The following MOCOS variants were observed in gnomAD, a reference collection of about 807,000 sequenced individuals.
The protein encoded by MOCOS is human molybdenum cofactor sulfurase.
In MOCOS, 86 loss-of-function variants were observed where a neutral mutation model predicts 83.6. That is an observed-to-expected ratio of 1.03 (90% confidence interval 0.86 to 1.23). The LOEUF (loss-of-function observed/expected upper bound fraction) is 1.23, where lower values mean the gene tolerates loss of function less well. Among genes scored for constraint, MOCOS ranks in the 50% most tolerant of loss-of-function variants. The pLI is 0.00. For synonymous variants in MOCOS, 445 were observed against 434.7 expected, an observed-to-expected ratio of 1.02 and a Z score of -0.29; for missense variants, 1,120 against 1,126.9, an observed-to-expected ratio of 0.99 and a Z score of 0.09.
intron 9 of MOCOS, among the ~76,000 whole-genome samples, chr18:36,225,357 G>T (rs1303952259): frequency 1.3e-5 from 2 of 152,052 alleles, no homozygotes; most frequent in East Asian, 3.9e-4. Context: ...TCACCATGTT[G>T]GCCAGGATGG....
intron 10 of MOCOS, among the ~76,000 whole-genome samples, chr18:36,250,693 T>C (rs886767692): frequency 6.6e-6 from 1 of 152,182 alleles, no homozygotes; most frequent in Admixed American, 6.5e-5. Context: ...AAACACCAGA[T>C]TGGTAAATGC....
At chr18:36,239,022 G>A (rs1413320603) in intron 9 of MOCOS, among the ~76,000 whole-genome samples, 3 of 151,446 alleles carry the variant, frequency 2.0e-5, no homozygotes, top group East Asian at 1.9e-4. Context: ...TTGAGCCTAT[G>A]TGTGTCTCTG....
chr18:36,200,112 G>A lies in MOCOS; in HGVS notation c.729G>A (p.Val243=), dbSNP rs757835086. ...WFVLLDAASY[V]STSPLDLSAH... ...TGCTGCTGGATGCAGCCTCCTACGT[G>A]AGCACCTCGCCTTTGGACCTGTCAG... The change falls in exon 4 of 15, where the codon GTG becomes GTA. Residue 243 remains valine (V), a synonymous_variant. Coordinates refer to ENST00000261326, the MANE Select transcript of MOCOS (RefSeq NM_017947.4). 8 of 1,614,098 alleles carry A rather than the reference G, an allele frequency of 5.0e-6. No individual in the cohort carries two copies. The South Asian group carries it at 8.8e-5, about 18-fold the overall frequency.
intron 1 of MOCOS, among the ~76,000 whole-genome samples, chr18:36,194,300 T>C (rs1351384493): frequency 6.6e-6 from 1 of 152,236 alleles, no homozygotes; most frequent in Non-Finnish European, 1.5e-5. Context: ...AAAGCTGTGA[T>C]AAAACAACCC....
rs186600904 is a variant in MOCOS at position 36,200,806 on chromosome 18, G to A, written c.941+482G>A. Among the ~76,000 whole-genome samples, 5 of 152,346 alleles carry A rather than the reference G, an allele frequency of 3.3e-5. No individual in the cohort carries two copies. The East Asian group carries it at 7.7e-4, about 24-fold the overall frequency. On this transcript the variant is annotated intron_variant, in intron 4 of 14. Transcript: ENST00000261326. ...ATCAGCTCAGCCTGGCACCTAGTTA[G>A]CAGGAGGAATCAGTTAAAGCAGAGG...
At chr18:36,213,504 C>A in intron 7 of MOCOS, 22 bp downstream of exon 7, 2 of 1,594,358 alleles carry the variant, frequency 1.3e-6, no homozygotes, top group Non-Finnish European at 1.7e-6. Flanking sequence ...GCTCTGCGAT[C>A]CAGACGCTGG....
intron 9 of MOCOS, among the ~76,000 whole-genome samples, chr18:36,237,467 T>A (rs1244095600): frequency 1.3e-5 from 2 of 152,236 alleles, no homozygotes; most frequent in African/African-American, 4.8e-5. Context: ...CAGCCTTGCA[T>A]CCCAGGGATG....
At chr18:36,191,436 T>C (rs2091365809) in intron 1 of MOCOS, among the ~76,000 whole-genome samples, 1 of 152,326 alleles carries the variant, frequency 6.6e-6, no homozygotes, top group Middle Eastern at 3.4e-3. Context: ...GTTGTCCATA[T>C]TTATGTGTGC....
At position 36,197,419 on chromosome 18, in the gene MOCOS, C is replaced by T. The variant is rs138875987; in HGVS notation, c.233-1271C>T. On this transcript the variant is annotated intron_variant, in intron 2 of 14. Transcript: ENST00000261326. ...ACTTCCAGCTCTAAAATACTCTTCC[C>T]GATCACATTTGGTTTTACTAGTGAG... Among the ~76,000 whole-genome samples, 1,253 of 150,552 alleles carry T rather than the reference C, an allele frequency of 8.3e-3. 24 individuals are homozygous for T. The highest frequency in any genetic ancestry group is 7.4e-3 in the Non-Finnish European group (503 of 67,784).
intron 8 of MOCOS, among the ~76,000 whole-genome samples, chr18:36,218,576 G>A (rs561422732): frequency 6.0e-4 from 92 of 152,100 alleles, no homozygotes; most frequent in Non-Finnish European, 1.1e-3. Flanking sequence ...ATACAGTGCT[G>A]CCATCAAAGC....
rs143719787 is a variant in MOCOS at position 36,220,122 on chromosome 18, A to T, written c.1865A>T (p.Asn622Ile). The T allele has an allele frequency of 1.9e-6, 3 of 1,613,940 alleles. No individual in the cohort carries two copies. In the African/African-American group the frequency reaches 4.0e-5, roughly 22 times the overall value. ...YDRSWMVVNHNGVCLSQKQEP... is the reference protein window; with the variant it reads ...YDRSWMVVNHIGVCLSQKQEP... ...CGGAGCTGGATGGTTGTGAATCACA[A>T]TGGTGTTTGCCTGAGTCAGAAGCAG... Residue 622 changes from asparagine to isoleucine, a missense_variant, in exon 9 of 15, where the codon AAT becomes ATT. Asn to Ile is a moderately radical substitution (Grantham distance 149, BLOSUM62 -3). Transcript: ENST00000261326.
intron 13 of MOCOS, 36 bp downstream of exon 13, chr18:36,260,211 G>T (rs1288416282): frequency 3.1e-6 from 5 of 1,613,558 alleles, no homozygotes; most frequent in Non-Finnish European, 3.4e-6. Flanking sequence ...CTTCCTCCAG[G>T]GTTGTCAATG....
At position 36,200,259 on chromosome 18, in the gene MOCOS, A is replaced by C; in HGVS notation, c.876A>C (p.Gly292=). Residue 292 remains glycine (G), a synonymous_variant, in exon 4 of 15, where the codon GGA becomes GGC. Coordinates refer to ENST00000261326, the MANE Select transcript of MOCOS (RefSeq NM_017947.4). ...TACTGAGGAAGACCTACTTTGGAGG[A>C]GGGACAGCCTCTGCGTACCTAGCAG... is the stretch of plus-strand genomic sequence containing the variant. ...APLLRKTYFG[G]GTASAYLAGE... 1.9e-6 allele frequency: 3 copies of C among 1,614,180 alleles called. No homozygotes were observed. Among genetic ancestry groups the C allele is most frequent in the Non-Finnish European group, 1.7e-6 (2 of 1,180,026 alleles).
At chr18:36,189,998 C>T (rs924329711) in intron 1 of MOCOS, 4 of 152,246 alleles carry the variant, frequency 2.6e-5, no homozygotes, top group African/African-American at 9.6e-5. Flanking sequence ...TGCTGCCTGA[C>T]TTTCTCCTAA....
intron 6 of MOCOS, among the ~76,000 whole-genome samples, chr18:36,207,237 A>G (rs1040864519): frequency 1.4e-4 from 22 of 152,152 alleles, no homozygotes; most frequent in Non-Finnish European, 2.6e-4. Context: ...GGGTTTCACC[A>G]TGTTGGTCAG....
At position 36,220,152 on chromosome 18, in the gene MOCOS, C is replaced by G. The variant is rs1205333533; in HGVS notation, c.1895C>G (p.Pro632Arg). 2.5e-6 allele frequency: 4 copies of G among 1,614,130 alleles called. No homozygotes were observed. The highest frequency in any genetic ancestry group is 2.2e-5 in the East Asian group (1 of 44,872). Residue 632 changes from proline to arginine, a missense_variant, in exon 9 of 15, where the codon CCC (proline) becomes CGC (arginine). By Grantham distance (103) the Pro-to-Arg change is moderately radical. Transcript: ENST00000261326. Reference protein sequence around the residue: ...NGVCLSQKQEPRLCLIQPFID... With the variant: ...NGVCLSQKQERRLCLIQPFID... ...GTTTGCCTGAGTCAGAAGCAGGAACCCCGGCTCTGCCTGATCCAGCCCTTC... is the reference window on the plus strand; with the variant it reads ...GTTTGCCTGAGTCAGAAGCAGGAACGCCGGCTCTGCCTGATCCAGCCCTTC...
chr18:36,207,247 G>A (rs1466873201), intron 6 of MOCOS, among the ~76,000 whole-genome samples: 4 of 152,282 alleles, frequency 2.6e-5, no homozygotes, highest in Non-Finnish European at 5.9e-5. Flanking sequence ...ATGTTGGTCA[G>A]GCTGGTCTCA....
In MOCOS at chr18:36,198,764, T is replaced by G; in HGVS notation, c.299+8T>G. 6.2e-7 allele frequency: 1 copy of G among 1,613,948 alleles called. No individual in the cohort carries two copies. The highest frequency in any genetic ancestry group is 2.2e-5 in the East Asian group (1 of 44,884). On this transcript the variant is annotated splice_region_variant and intron_variant, in intron 3 of 14. Coordinates refer to ENST00000261326, the MANE Select transcript of MOCOS (RefSeq NM_017947.4). Reference sequence around the variant, plus strand: ...GGAGCAGGTGCGCTACAGGTAAGCATCAGGGACACCTGCCTGACTGGGCAT... The same window carrying G: ...GGAGCAGGTGCGCTACAGGTAAGCAGCAGGGACACCTGCCTGACTGGGCAT...
intron 6 of MOCOS, among the ~76,000 whole-genome samples, chr18:36,211,931 G>C (rs1156876485): frequency 6.6e-6 from 1 of 152,162 alleles, no homozygotes; most frequent in East Asian, 1.9e-4. Flanking sequence ...TTTGTTCCCT[G>C]GGACACTAGC....
Sources: allele counts gnomAD v4.1 joint callset (sites outside exome capture counted in the v4.1 genomes callset), GRCh38; gene constraint gnomAD v4.1.1; transcripts MANE v1.5; gene names NCBI Gene and HGNC (gene_info 2026-07-23, HGNC 2026-07-21).